Variants in CMTM7 observed in about 807,000 individuals in gnomAD.
CMTM7 encodes the protein CKLF-like MARVEL transmembrane domain-containing protein 7.
A neutral mutation model predicts 19.3 loss-of-function variants in CMTM7; 7 were observed. The observed-to-expected ratio is 0.36, with a 90% CI of 0.21 to 0.68. The LOEUF (loss-of-function observed/expected upper bound fraction) is 0.68, where lower values mean the gene tolerates loss of function less well. CMTM7 is among the 30% of genes least tolerant of loss of function. The probability of loss-of-function intolerance (pLI) is 0.60; values close to 1 mark genes in which losing one functional copy is unlikely to be tolerated. For synonymous variants in CMTM7, 87 were observed against 99.3 expected (o/e 0.88, Z 0.74); for missense variants, 193 against 232.6 (o/e 0.83, Z 1.11).
At chr3:32,431,180 A>G (rs892582490) in intron 1 of CMTM7, among the ~76,000 whole-genome samples, 1 of 152,226 alleles carries the variant, frequency 6.6e-6, no homozygotes, top group Non-Finnish European at 1.5e-5. Context: ...TGTCTTTTTA[A>G]GAGGCAGAGG....
At chr3:32,394,700 TTTTC>T (rs1299430703) in intron 1 of CMTM7, among the ~76,000 whole-genome samples, 2 of 152,146 alleles carry the variant, frequency 1.3e-5, no homozygotes, top group African/African-American at 2.4e-5. Context: ...GCACTCTTTT[TTTTC>T]TTTCTTTCTT....
Position 32,449,007 on chromosome 3 carries a change from C to T in CMTM7, c.334-447C>T, listed in dbSNP as rs1000418804. On this transcript the variant is annotated intron_variant, in intron 2 of 4. Transcript: ENST00000334983. This position sits in a 1 kb window ranked among gnomAD's most constrained non-coding sequence, Gnocchi z 4.5. Reference sequence around the variant, plus strand: ...CACATTGTTAGCCCAGAACTTTCTCCGAAGCAGAAGAGAAAGGCAAATATC... The same window carrying T: ...CACATTGTTAGCCCAGAACTTTCTCTGAAGCAGAAGAGAAAGGCAAATATC... 4.6e-5 allele frequency among the ~76,000 whole-genome samples: 7 copies of T among 152,154 alleles called. No homozygotes were observed. The highest frequency in any genetic ancestry group is 2.6e-4 in the Admixed American group (4 of 15,270).
chr3:32,401,122 A>C (rs190052134), intron 1 of CMTM7, among the ~76,000 whole-genome samples: 108 of 152,374 alleles, frequency 7.1e-4, no homozygotes, highest in African/African-American at 2.6e-3. Context: ...TTAGAAAAGG[A>C]ACAGTGACAG....
chr3:32,433,595 A>G (rs767536999), intron 1 of CMTM7, among the ~76,000 whole-genome samples: 44 of 152,322 alleles, frequency 2.9e-4, no homozygotes, highest in Non-Finnish European at 5.3e-4. Context: ...TCTCCTGGTC[A>G]CAAGGGACCT....
At chr3:32,436,478 A>G (rs1166420074) in intron 1 of CMTM7, among the ~76,000 whole-genome samples, 1 of 152,182 alleles carries the variant, frequency 6.6e-6, no homozygotes, top group East Asian at 1.9e-4. Flanking sequence ...TGCAGGTTCC[A>G]GGCACTGCAT....
chr3:32,402,963 G>A (rs1696032201), intron 1 of CMTM7, among the ~76,000 whole-genome samples: 1 of 152,204 alleles, frequency 6.6e-6, no homozygotes, highest in Non-Finnish European at 1.5e-5. Flanking sequence ...GTGAAGTGGA[G>A]CCTTCTGGAA....
At chr3:32,409,635 C>T (rs184576635) in intron 1 of CMTM7, among the ~76,000 whole-genome samples, 291 of 152,246 alleles carry the variant, frequency 1.9e-3, no homozygotes, top group Non-Finnish European at 3.5e-3. Flanking sequence ...TTCTTCATGA[C>T]GTCAACATTT....
At chr3:32,429,701 C>A (rs1183310057) in intron 1 of CMTM7, among the ~76,000 whole-genome samples, 1 of 148,020 alleles carries the variant, frequency 6.8e-6, no homozygotes, top group African/African-American at 2.5e-5. Flanking sequence ...CCCAGGTTGA[C>A]GCCATTCTCC....
intron 1 of CMTM7, among the ~76,000 whole-genome samples, chr3:32,429,073 G>T (rs113317646): frequency 6.6e-6 from 1 of 152,148 alleles, no homozygotes; most frequent in Non-Finnish European, 1.5e-5. Context: ...ACCAAAAATC[G>T]TTGTCTACTC....
At chr3:32,409,534 G>A (rs1347624538) in intron 1 of CMTM7, among the ~76,000 whole-genome samples, 1 of 152,118 alleles carries the variant, frequency 6.6e-6, no homozygotes, top group African/African-American at 2.4e-5. Flanking sequence ...TAATGTCCTT[G>A]GGTCTAGGAT....
intron 1 of CMTM7, among the ~76,000 whole-genome samples, chr3:32,401,077 T>A (rs993653067): frequency 6.6e-6 from 1 of 152,244 alleles, no homozygotes; most frequent in Non-Finnish European, 1.5e-5. Context: ...AGTAATAGTA[T>A]TTAAGCTGTA....
At chr3:32,428,074 C>T (rs1696460176) in intron 1 of CMTM7, among the ~76,000 whole-genome samples, 1 of 152,160 alleles carries the variant, frequency 6.6e-6, no homozygotes, top group African/African-American at 2.4e-5. Context: ...TAAATACGGT[C>T]CTTCCTGTGG....
Position 32,455,357 on chromosome 3 carries a change from T to C in CMTM7, c.*1103T>C, listed in dbSNP as rs1197323527. ...CATCCCCAGGCACAGGGCAAGCCAGTGAGGAGCTGGGCTCAGGATCTAGGT... is the reference window on the plus strand; with the variant it reads ...CATCCCCAGGCACAGGGCAAGCCAGCGAGGAGCTGGGCTCAGGATCTAGGT... On this transcript the variant is annotated 3_prime_UTR_variant, in exon 5 of 5. Transcript: ENST00000334983. 3 of 152,238 alleles carry C rather than the reference T, an allele frequency of 2.0e-5. No homozygotes were observed. Among genetic ancestry groups the C allele is most frequent in the Non-Finnish European group, 4.4e-5 (3 of 68,056 alleles). 9.4% of individuals were successfully genotyped at this position (152,238 alleles called of 1,614,324 possible). A position where few individuals can be genotyped will look rare whatever the true frequency, so the allele number is the denominator to read the frequency against.
intron 1 of CMTM7, among the ~76,000 whole-genome samples, chr3:32,429,131 A>G (rs1575119246): frequency 6.6e-6 from 1 of 152,204 alleles, no homozygotes; most frequent in Non-Finnish European, 1.5e-5. Context: ...TGCTTATTAA[A>G]CAGAATTATT....
At chr3:32,437,754 G>C (rs1696618644) in intron 1 of CMTM7, among the ~76,000 whole-genome samples, 1 of 152,066 alleles carries the variant, frequency 6.6e-6, no homozygotes, top group South Asian at 2.1e-4. Context: ...AGCTGGGCAT[G>C]GTGGCGCATA....
At chr3:32,413,593 T>G (rs1197430390) in intron 1 of CMTM7, among the ~76,000 whole-genome samples, 2 of 152,206 alleles carry the variant, frequency 1.3e-5, no homozygotes, top group Non-Finnish European at 2.9e-5. Context: ...GTTTTAGATT[T>G]TTTTATTAGT....
chr3:32,442,417 G>T (rs1267394821), intron 2 of CMTM7, among the ~76,000 whole-genome samples: 2 of 149,064 alleles, frequency 1.3e-5, no homozygotes, highest in Admixed American at 1.4e-4. Context: ...GGAGAATGGC[G>T]TGAACCCGGG....
In CMTM7 at chr3:32,452,450, T is replaced by G; in HGVS notation, c.491T>G (p.Ile164Ser). 1.2e-6 allele frequency: 2 copies of G among 1,614,128 alleles called. No homozygotes were observed. The highest frequency in any genetic ancestry group is 1.7e-6 in the Non-Finnish European group (2 of 1,180,024). ...GCAAGCATATGGCTGTCCTATAAGA[T>G]CTCGTGTGTAACCCAGTCCACAGGT... ...CMASIWLSYK[I>S]SCVTQSTDAA... The change falls in exon 4 of 5, where the codon ATC becomes AGC. Residue 164 changes from isoleucine to serine, a missense_variant. Coordinates refer to ENST00000334983, the MANE Select transcript of CMTM7 (RefSeq NM_138410.4).
chr3:32,444,077 AT>A (rs981508164), intron 2 of CMTM7, among the ~76,000 whole-genome samples: 13 of 151,856 alleles, frequency 8.6e-5, no homozygotes, highest in African/African-American at 1.7e-4. Flanking sequence ...TAGTTTATTT[AT>A]TTTTTTTCTT....
Sources: allele counts gnomAD v4.1 joint callset (sites outside exome capture counted in the v4.1 genomes callset), GRCh38; gene constraint gnomAD v4.1.1; non-coding constraint Gnocchi (gnomAD v3.1); transcripts MANE v1.5; gene names NCBI Gene and HGNC (gene_info 2026-07-23, HGNC 2026-07-21).